Variants in ADAMTS19 observed in about 807,000 individuals in gnomAD.
ADAMTS19 encodes A disintegrin and metalloproteinase with thrombospondin motifs 19.
In ADAMTS19, 93 loss-of-function variants were observed where a neutral mutation model predicts 153.3. That is an observed-to-expected ratio of 0.61 (90% CI 0.51 to 0.72). ADAMTS19 has a LOEUF of 0.72. ADAMTS19 is among the 30% of genes least tolerant of loss of function. The pLI, the probability that ADAMTS19 is intolerant of heterozygous loss-of-function variation, is 0.00. For missense variants in ADAMTS19, 1,482 were observed against 1,552.1 expected, an observed-to-expected ratio of 0.95 and a Z score of 0.76; for synonymous variants, 600 against 556.6, an observed-to-expected ratio of 1.08 and a Z score of -1.10.
chr5:129,589,135 A>G (rs1265847854), intron 7 of ADAMTS19, among the ~76,000 whole-genome samples: 2 of 151,906 alleles, frequency 1.3e-5, no homozygotes, highest in Non-Finnish European at 2.9e-5. Context: ...ATTTTATGCT[A>G]TTGAATTCAC....
At chr5:129,613,914 A>C (rs1751366024) in intron 8 of ADAMTS19, among the ~76,000 whole-genome samples, 1 of 152,028 alleles carries the variant, frequency 6.6e-6, no homozygotes, top group Admixed American at 6.6e-5. Context: ...ACACCTCTAC[A>C]CAAATAAACT....
At chr5:129,664,593 C>T (rs1308824768) in intron 15 of ADAMTS19, among the ~76,000 whole-genome samples, 9 of 151,910 alleles carry the variant, frequency 5.9e-5, no homozygotes, top group Non-Finnish European at 1.3e-4. Context: ...TCAACAGTCT[C>T]GGGAAGATGA....
intron 2 of ADAMTS19, among the ~76,000 whole-genome samples, chr5:129,501,894 G>A (rs1239526982): frequency 6.6e-6 from 1 of 152,004 alleles, no homozygotes; most frequent in Non-Finnish European, 1.5e-5. Flanking sequence ...ACTAAAAAAA[G>A]GTACAGCCAT....
In ADAMTS19 at chr5:129,665,495, A is replaced by T. The variant is rs1042399307; in HGVS notation, c.2426-4A>T. On this transcript the variant is annotated splice_region_variant and splice_polypyrimidine_tract_variant and intron_variant, in intron 15 of 22. Transcript: ENST00000274487. ...TTTATTTCATGTTTTATTGACTCTT[A>T]CAGGTTATGTAGAAGTGCTGGTGAT... 2.9e-5 allele frequency: 46 copies of T among 1,600,402 alleles called. No homozygotes were observed. Among genetic ancestry groups the T allele is most frequent in the African/African-American group, 1.3e-5 (1 of 74,476 alleles).
In ADAMTS19 at chr5:129,469,548, T is replaced by G. The variant is rs538229081; in HGVS notation, c.747+7791T>G. On this transcript the variant is annotated intron_variant, in intron 2 of 22. Coordinates refer to ENST00000274487, the MANE Select transcript of ADAMTS19 (RefSeq NM_133638.6). The stretch of plus-strand genomic sequence containing the variant: ...CAATTCTGCTTATAGTTGTCAATTT[T>G]AGAGAAATATCTATATATGTGCAAA... Among the ~76,000 whole-genome samples the G allele has an allele frequency of 4.6e-5, 7 of 152,188 alleles. 1 individual carries two copies. Among genetic ancestry groups the G allele is most frequent in the Admixed American group, 2.6e-4 (4 of 15,290 alleles).
intron 2 of ADAMTS19, among the ~76,000 whole-genome samples, chr5:129,487,176 A>AT (rs1750627551): frequency 6.6e-6 from 1 of 151,984 alleles, no homozygotes; most frequent in African/African-American, 2.4e-5. Flanking sequence ...TTATTTATTT[A>AT]TTTTTTTACA....
At chr5:129,531,246 T>A (rs1426705185) in intron 6 of ADAMTS19, among the ~76,000 whole-genome samples, 1 of 152,170 alleles carries the variant, frequency 6.6e-6, no homozygotes, top group Non-Finnish European at 1.5e-5. Context: ...TTTTCAGGCA[T>A]GTTTTGTAGA....
intron 8 of ADAMTS19, among the ~76,000 whole-genome samples, chr5:129,603,506 C>T (rs998890217): frequency 6.6e-6 from 1 of 152,030 alleles, no homozygotes; most frequent in Admixed American, 6.6e-5. Flanking sequence ...CAAATAATTC[C>T]ATTTGCGTTG....
intron 4 of ADAMTS19, among the ~76,000 whole-genome samples, chr5:129,527,375 G>GTTTTT (rs1023134798): frequency 7.1e-6 from 1 of 140,324 alleles, no homozygotes; most frequent in African/African-American, 2.6e-5. Flanking sequence ...GGGGAACAGA[G>GTTTTT]TTTTTTTTTT....
chr5:129,503,735 G>A (rs1053523094), intron 2 of ADAMTS19, among the ~76,000 whole-genome samples: 6 of 152,026 alleles, frequency 3.9e-5, no homozygotes, highest in African/African-American at 1.5e-4. Context: ...GGCTGAGGCA[G>A]GAGAATCACG....
At chr5:129,525,422 C>A (rs1289183197) in intron 3 of ADAMTS19, among the ~76,000 whole-genome samples, 2 of 151,958 alleles carry the variant, frequency 1.3e-5, no homozygotes, top group African/African-American at 2.4e-5. Context: ...AACATTTTCC[C>A]ATGCTATTAG....
chr5:129,528,524 A>G lies in ADAMTS19; in HGVS notation c.1175A>G (p.Glu392Gly), dbSNP rs764202409. The G allele has an allele frequency of 6.3e-7, 1 of 1,590,974 alleles. No individual in the cohort carries two copies. Among genetic ancestry groups the G allele is most frequent in the African/African-American group, 1.4e-5 (1 of 73,226 alleles). Residue 392 changes from glutamate to glycine, a missense_variant, in exon 6 of 23, where the codon GAA becomes GGA. Transcript: ENST00000274487. ...ATGAGCTCTGTTCTTTTGCAGCCAG[A>G]ACTATATATTGGGCATCATGGAGAA... ...KLILLHETPP[E>G]LYIGHHGEKM... is the part of the protein sequence containing the mutation.
chr5:129,610,558 C>T (rs755308212), intron 8 of ADAMTS19, among the ~76,000 whole-genome samples: 3 of 151,924 alleles, frequency 2.0e-5, no homozygotes, highest in African/African-American at 4.8e-5. Flanking sequence ...TTTGTCCTTG[C>T]GATAGTTTGC....
chr5:129,602,040 G>A (rs1020390625), intron 8 of ADAMTS19, among the ~76,000 whole-genome samples: 1 of 152,212 alleles, frequency 6.6e-6, no homozygotes, highest in Admixed American at 6.5e-5. Flanking sequence ...TTTGGAATGT[G>A]CAGATTTTAG....
intron 21 of ADAMTS19, among the ~76,000 whole-genome samples, chr5:129,709,657 T>TAAGA (rs1554108910): frequency 6.6e-6 from 1 of 152,054 alleles, no homozygotes; most frequent in Admixed American, 6.5e-5. Context: ...GAACAACTCA[T>TAAGA]AACAAGTGCA....
chr5:129,623,970 A>G (rs1172965193), intron 10 of ADAMTS19, among the ~76,000 whole-genome samples: 1 of 151,344 alleles, frequency 6.6e-6, no homozygotes, highest in Non-Finnish European at 1.5e-5. Context: ...AATATAAAAA[A>G]AAAAAAATTA....
In ADAMTS19 at chr5:129,471,450, A is replaced by AAGGAAG. The variant is rs1750064050; in HGVS notation, c.747+9693_747+9694insAGGAAG. On this transcript the variant is annotated intron_variant, in intron 2 of 22. Transcript: ENST00000274487. ...AAAGAAAGGAAGGAAAGAAAGAAAA[A>AAGGAAG]GAAGGAAGGAAGGAAGGAAGGAAGG... 4.8e-5 allele frequency among the ~76,000 whole-genome samples: 7 copies of AAGGAAG among 146,634 alleles called. No homozygotes were observed. In the South Asian group the frequency reaches 1.5e-3, roughly 32 times the overall value.
intron 3 of ADAMTS19, among the ~76,000 whole-genome samples, chr5:129,522,057 T>A (rs568404046): frequency 2.6e-5 from 4 of 151,860 alleles, no homozygotes; most frequent in African/African-American, 9.7e-5. Flanking sequence ...TTAATCTCAT[T>A]CACTTGGCAG....
At chr5:129,582,555 G>A (rs181600759) in intron 7 of ADAMTS19, among the ~76,000 whole-genome samples, 2 of 151,592 alleles carry the variant, frequency 1.3e-5, no homozygotes, top group Non-Finnish European at 2.9e-5. Flanking sequence ...CTCCTAGTCT[G>A]TGTCTTTTAT....
Sources: gnomAD v4.1 joint callset for allele counts (sites outside exome capture counted in the v4.1 genomes callset) on GRCh38, gnomAD v4.1.1 for gene constraint, MANE v1.5 for transcripts, NCBI Gene and HGNC (gene_info 2026-07-23, HGNC 2026-07-21) for gene names.